Variants in CSMD1 observed in about 807,000 individuals in gnomAD.
CSMD1 encodes the protein CUB and Sushi multiple domains 1, also known as CUB and sushi domain-containing protein 1.
A neutral mutation model predicts 417.5 loss-of-function variants in CSMD1; 213 were observed. The ratio of observed to expected loss-of-function variants is 0.51; its 90% CI spans 0.46 to 0.57. CSMD1 has a LOEUF of 0.57. CSMD1 is among the 20% of genes least tolerant of loss of function. The probability of loss-of-function intolerance (pLI) is 0.00; values close to 1 mark genes in which losing one functional copy is unlikely to be tolerated. For synonymous variants in CSMD1, 2,862 were observed against 1,736.8 expected, an observed-to-expected ratio of 1.65 and a Z score of -16.11; for missense variants, 6,923 against 4,529.7, an observed-to-expected ratio of 1.53 and a Z score of -15.17.
intron 7 of CSMD1, among the ~76,000 whole-genome samples, chr8:3,669,574 GAATGAGACTCTTCCGGACAGAA>G (rs1364891762): frequency 1.3e-5 from 2 of 152,190 alleles, no homozygotes; most frequent in Admixed American, 1.3e-4. Context: ...AATGTAGCCT[GAATGAGACTCTTCCGGACAGAA>G]AATCACGACA....
chr8:4,297,608 A>C (rs1456037443), intron 3 of CSMD1, among the ~76,000 whole-genome samples: 1 of 152,130 alleles, frequency 6.6e-6, no homozygotes, highest in African/African-American at 2.4e-5. Flanking sequence ...TAAGGCTAAG[A>C]TAGCCTGAAA....
chr8:3,968,589 G>C (rs1014096655), intron 5 of CSMD1, among the ~76,000 whole-genome samples: 2 of 152,168 alleles, frequency 1.3e-5, no homozygotes, highest in Admixed American at 1.3e-4. Flanking sequence ...GTGTATTTCA[G>C]ATGGAATATT....
chr8:4,376,829 G>A (rs910764229), intron 3 of CSMD1, among the ~76,000 whole-genome samples: 22 of 152,248 alleles, frequency 1.4e-4, no homozygotes, highest in African/African-American at 5.3e-4. Flanking sequence ...TCACCCCTGT[G>A]ATTTTGTCTT....
intron 3 of CSMD1, among the ~76,000 whole-genome samples, chr8:4,281,594 A>G (rs1046520247): frequency 2.6e-5 from 4 of 152,162 alleles, no homozygotes; most frequent in Non-Finnish European, 5.9e-5. Flanking sequence ...TGAATCTAAG[A>G]AGTATGTATA....
At chr8:4,612,291 A>T (rs1157786044) in intron 2 of CSMD1, among the ~76,000 whole-genome samples, 1 of 152,222 alleles carries the variant, frequency 6.6e-6, no homozygotes, top group Non-Finnish European at 1.5e-5. Flanking sequence ...CTAAAACTTC[A>T]AAAATACCTT....
At chr8:3,650,720 C>T (rs543631599) in intron 7 of CSMD1, among the ~76,000 whole-genome samples, 1 of 152,300 alleles carries the variant, frequency 6.6e-6, no homozygotes, top group African/African-American at 2.4e-5. Flanking sequence ...AGGGCATCAA[C>T]GACTCAATTC....
intron 3 of CSMD1, among the ~76,000 whole-genome samples, chr8:4,391,922 G>A (rs1803874184): frequency 2.0e-5 from 3 of 152,216 alleles, no homozygotes; most frequent in Admixed American, 1.3e-4. Flanking sequence ...GAACCCTGAG[G>A]CTCCCATGAA....
At chr8:4,252,516 C>G (rs1014911832) in intron 3 of CSMD1, among the ~76,000 whole-genome samples, 10 of 152,160 alleles carry the variant, frequency 6.6e-5, no homozygotes, top group Admixed American at 5.9e-4. Flanking sequence ...GTCCTGTTTC[C>G]TCAAACACCA....
intron 1 of CSMD1, among the ~76,000 whole-genome samples, chr8:4,981,712 A>G (rs1178811299): frequency 2.0e-5 from 3 of 152,176 alleles, no homozygotes; most frequent in African/African-American, 4.8e-5. Context: ...CGGCACCCCC[A>G]CCTGCTGATG....
At chr8:4,418,893 G>C (rs935000285) in intron 3 of CSMD1, among the ~76,000 whole-genome samples, 2 of 152,138 alleles carry the variant, frequency 1.3e-5, no homozygotes, top group East Asian at 1.9e-4. Flanking sequence ...CAGAATCGCA[G>C]ACCATTCTCA....
At chr8:3,677,479 G>T (rs1004509078) in intron 7 of CSMD1, among the ~76,000 whole-genome samples, 1 of 152,188 alleles carries the variant, frequency 6.6e-6, no homozygotes, top group African/African-American at 2.4e-5. Flanking sequence ...ACAGATCTGA[G>T]CACCACAGAA....
intron 1 of CSMD1, among the ~76,000 whole-genome samples, chr8:4,964,933 A>G (rs900730574): frequency 3.9e-5 from 6 of 152,282 alleles, no homozygotes; most frequent in Admixed American, 6.5e-5. Context: ...CCCTTGGTGA[A>G]TTAACCTTTC....
chr8:4,389,390 T>A (rs1803693196), intron 3 of CSMD1, among the ~76,000 whole-genome samples: 1 of 152,070 alleles, frequency 6.6e-6, no homozygotes, highest in Non-Finnish European at 1.5e-5. Flanking sequence ...ATTAATGAGG[T>A]CCCCAGAATT....
intron 1 of CSMD1, among the ~76,000 whole-genome samples, chr8:4,985,324 C>T (rs1811118797): frequency 6.6e-6 from 1 of 151,714 alleles, no homozygotes; most frequent in African/African-American, 2.4e-5. Context: ...ACACATTTAC[C>T]TATGTAACAA....
intron 3 of CSMD1, among the ~76,000 whole-genome samples, chr8:4,289,276 A>C (rs1353160655): frequency 1.3e-5 from 2 of 152,188 alleles, no homozygotes; most frequent in African/African-American, 2.4e-5. Flanking sequence ...CTTTAGGCTA[A>C]TTTGCCTACA....
At chr8:4,191,345 G>C (rs547099132) in intron 3 of CSMD1, among the ~76,000 whole-genome samples, 2 of 152,126 alleles carry the variant, frequency 1.3e-5, no homozygotes, top group East Asian at 1.9e-4. Context: ...GCAGTGAGCA[G>C]AGATCGCGCC....
intron 3 of CSMD1, among the ~76,000 whole-genome samples, chr8:4,171,528 G>C (rs532211780): frequency 9.2e-5 from 14 of 151,724 alleles, no homozygotes; most frequent in Admixed American, 7.9e-4. Flanking sequence ...TTCTTTAGTT[G>C]ACACTTAACA....
At chr8:4,777,159 A>G (rs552235619) in intron 1 of CSMD1, among the ~76,000 whole-genome samples, 1 of 152,212 alleles carries the variant, frequency 6.6e-6, no homozygotes, top group Non-Finnish European at 1.5e-5. Context: ...AATTAAACAC[A>G]GTCCATTTCA....
intron 41 of CSMD1, among the ~76,000 whole-genome samples, chr8:3,138,238 C>A (rs1402221874): frequency 6.6e-6 from 1 of 152,056 alleles, no homozygotes; most frequent in Non-Finnish European, 1.5e-5. Flanking sequence ...AAACAAAAAA[C>A]CATATCCCAT....
Sources: allele counts gnomAD v4.1 joint callset (sites outside exome capture counted in the v4.1 genomes callset), GRCh38; gene constraint gnomAD v4.1.1; transcripts MANE v1.5; gene names NCBI Gene and HGNC (gene_info 2026-07-23, HGNC 2026-07-21).